ROBO2: variants seen among roughly 807,000 people sequenced by gnomAD.
ROBO2 encodes the protein roundabout guidance receptor 2, also known as roundabout homolog 2.
A neutral mutation model predicts 160.8 loss-of-function variants in ROBO2; 53 were observed. The ratio of observed to expected loss-of-function variants is 0.33; its 90% CI spans 0.26 to 0.41. ROBO2 has a LOEUF of 0.41. ROBO2 is among the 10% of genes least tolerant of loss of function. The pLI, the probability that ROBO2 is intolerant of heterozygous loss-of-function variation, is 1.00. For missense variants in ROBO2, 1,577 were observed against 1,722.4 expected, an observed-to-expected ratio of 0.92 and a Z score of 1.49; for synonymous variants, 664 against 611.7, an observed-to-expected ratio of 1.09 and a Z score of -1.26.
intron 2 of ROBO2, among the ~76,000 whole-genome samples, chr3:77,186,191 T>G (rs1474361549): frequency 1.3e-5 from 2 of 151,898 alleles, no homozygotes; most frequent in Admixed American, 6.6e-5. Context: ...AAGTTTTTTT[T>G]TTTAAGTCAG....
At chr3:77,333,134 C>A (rs13323053) in intron 2 of ROBO2, among the ~76,000 whole-genome samples, 65,415 of 152,092 alleles carry the variant, frequency 0.43, 17,367 homozygotes, top group Non-Finnish European at 0.6. Context: ...TATGGTTATT[C>A]TAGCTTAAGC....
intron 2 of ROBO2, among the ~76,000 whole-genome samples, chr3:77,397,172 C>T (rs529332257): frequency 1.4e-4 from 21 of 152,096 alleles, no homozygotes; most frequent in African/African-American, 4.3e-4. Flanking sequence ...AAAGAAAGTC[C>T]GTCTGTTCAT....
At chr3:75,953,200 C>G (rs1948612061) in intron 2 of ROBO2, among the ~76,000 whole-genome samples, 1 of 151,842 alleles carries the variant, frequency 6.6e-6, no homozygotes, top group Non-Finnish European at 1.5e-5. Flanking sequence ...AAACTGACTC[C>G]CAAAGTAGCT....
At chr3:76,268,545 G>A (rs943561676) in intron 2 of ROBO2, among the ~76,000 whole-genome samples, 1 of 152,022 alleles carries the variant, frequency 6.6e-6, no homozygotes, top group African/African-American at 2.4e-5. Context: ...CTCCATTCAT[G>A]CACAGAAAAA....
At chr3:76,233,474 C>T (rs111313204) in intron 2 of ROBO2, among the ~76,000 whole-genome samples, 5,564 of 152,196 alleles carry the variant, frequency 0.037, 130 homozygotes, top group South Asian at 0.077. Context: ...GCTGGTAGTA[C>T]AGTAGATAAT....
intron 2 of ROBO2, among the ~76,000 whole-genome samples, chr3:76,121,775 A>G (rs1369901230): frequency 6.6e-6 from 1 of 152,150 alleles, no homozygotes; most frequent in Non-Finnish European, 1.5e-5. Flanking sequence ...TATTTAAAAC[A>G]TTCATGCCAT....
At chr3:76,655,430 AT>A (rs2091462213) in intron 2 of ROBO2, among the ~76,000 whole-genome samples, 1 of 134,870 alleles carries the variant, frequency 7.4e-6, no homozygotes, top group Non-Finnish European at 1.6e-5. Flanking sequence ...CTGTGTATGG[AT>A]TTTTTTCCAT....
intron 2 of ROBO2, among the ~76,000 whole-genome samples, chr3:76,167,637 TAA>T (rs994993025): frequency 4.6e-5 from 7 of 152,222 alleles, no homozygotes; most frequent in Admixed American, 2.0e-4. Context: ...ACTTCAGTTA[TAA>T]GTTAGCACCT....
At position 76,466,186 on chromosome 3, in the gene ROBO2, T is replaced by A. The variant is rs536052911; in HGVS notation, c.109+528584T>A. ...GAACACCAAACTGTATACCTACATA[T>A]GATATCACTCATCTTTATCTTAGCA... On this transcript the variant is annotated intron_variant, in intron 2 of 26. Coordinates refer to the ROBO2 transcript ENST00000487694. Among the ~76,000 whole-genome samples, 3 of 152,046 alleles carry A rather than the reference T, an allele frequency of 2.0e-5. No homozygotes were observed. In the South Asian group the frequency reaches 6.2e-4, roughly 32 times the overall value.
chr3:76,180,740 A>G (rs190208727), intron 2 of ROBO2, among the ~76,000 whole-genome samples: 2 of 152,264 alleles, frequency 1.3e-5, no homozygotes, highest in Admixed American at 1.3e-4. Context: ...CACAGAGCAA[A>G]TAATATATTT....
chr3:76,289,258 A>AT (rs1708684412), intron 2 of ROBO2, among the ~76,000 whole-genome samples: 1 of 152,140 alleles, frequency 6.6e-6, no homozygotes. Context: ...AATGTTGGGC[A>AT]TTTTTTCATA....
chr3:76,012,060 TG>T (rs2066210103), intron 2 of ROBO2, among the ~76,000 whole-genome samples: 2 of 152,234 alleles, frequency 1.3e-5, no homozygotes, highest in Non-Finnish European at 2.9e-5. Context: ...TACAAACTCT[TG>T]CCAAACAAGA....
chr3:77,209,810 T>G (rs535682591), intron 2 of ROBO2, among the ~76,000 whole-genome samples: 1 of 152,136 alleles, frequency 6.6e-6, no homozygotes, highest in East Asian at 1.9e-4. Context: ...TTAGGATAAC[T>G]TTTAAATACA....
chr3:76,268,620 G>T (rs1020682021), intron 2 of ROBO2, among the ~76,000 whole-genome samples: 1 of 152,066 alleles, frequency 6.6e-6, no homozygotes, highest in Non-Finnish European at 1.5e-5. Context: ...GGCTCCCACC[G>T]TTAAGACCTC....
At chr3:77,358,636 C>A (rs2069475532) in intron 2 of ROBO2, among the ~76,000 whole-genome samples, 1 of 152,100 alleles carries the variant, frequency 6.6e-6, no homozygotes, top group African/African-American at 2.4e-5. Flanking sequence ...GAGTATATAT[C>A]CACGTGCATC....
Position 75,992,386 on chromosome 3 carries a change from C to T in ROBO2, c.109+54784C>T, listed in dbSNP as rs565851992. 2.2e-3 allele frequency among the ~76,000 whole-genome samples: 339 copies of T among 152,266 alleles called. 1 individual carries two copies. Among genetic ancestry groups the T allele is most frequent in the Middle Eastern group, 6.8e-3 (2 of 294 alleles). On this transcript the variant is annotated intron_variant, in intron 2 of 26. Transcript: ENST00000487694. ...CAGAGGCCAAGCTCAGCCCATTGCT[C>T]CCGAGGGTGGAGCCCCCAAGCCTTG...
At chr3:76,821,275 T>C (rs2066099442) in intron 2 of ROBO2, among the ~76,000 whole-genome samples, 1 of 152,038 alleles carries the variant, frequency 6.6e-6, no homozygotes, top group African/African-American at 2.4e-5. Flanking sequence ...GTTAAGCACA[T>C]GCCTTTTATC....
intron 2 of ROBO2, among the ~76,000 whole-genome samples, chr3:76,685,848 A>G (rs1272065477): frequency 1.3e-5 from 2 of 152,276 alleles, no homozygotes; most frequent in Middle Eastern, 3.4e-3. Flanking sequence ...TTTTATTTAA[A>G]TGATTTAGAT....
intron 2 of ROBO2, among the ~76,000 whole-genome samples, chr3:76,506,316 G>C (rs2080795269): frequency 6.6e-6 from 1 of 152,262 alleles, no homozygotes; most frequent in South Asian, 2.1e-4. Context: ...GCTGCTTTCT[G>C]TTTCCAAGAT....
Sources: allele counts gnomAD v4.1 joint callset (sites outside exome capture counted in the v4.1 genomes callset), GRCh38; gene constraint gnomAD v4.1.1; transcripts MANE v1.5; gene names NCBI Gene and HGNC (gene_info 2026-07-23, HGNC 2026-07-21).